Variants in MED13L observed in about 807,000 individuals in gnomAD.
MED13L encodes mediator complex subunit 13L.
MED13L carries 7 observed loss-of-function variants against 220.9 expected under a neutral mutation model. The observed-to-expected ratio is 0.03, with a 90% CI of 0.02 to 0.06. The LOEUF (loss-of-function observed/expected upper bound fraction) is 0.06, where lower values mean the gene tolerates loss of function less well. Among genes scored for constraint, MED13L ranks in the 10% least tolerant of loss-of-function variants. MED13L has a pLI of 1.00. For missense variants in MED13L, 1,965 were observed against 2,760.5 expected (o/e 0.71, Z 6.46); for synonymous variants, 1,011 against 1,015.2 (o/e 1.00, Z 0.08).
At chr12:116,121,036 C>A (rs968698033) in intron 2 of MED13L, among the ~76,000 whole-genome samples, 10 of 152,174 alleles carry the variant, frequency 6.6e-5, no homozygotes, top group Non-Finnish European at 1.0e-4. Context: ...ACTACTACAG[C>A]TGCCTATTTA....
chr12:116,011,991 G>C (rs979645610), intron 9 of MED13L, among the ~76,000 whole-genome samples: 1 of 152,124 alleles, frequency 6.6e-6, no homozygotes, highest in Non-Finnish European at 1.5e-5. Flanking sequence ...AGACATGAAT[G>C]GCCATCTTCT....
At chr12:116,026,712 CA>C (rs1332741162) in intron 4 of MED13L, among the ~76,000 whole-genome samples, 1 of 152,164 alleles carries the variant, frequency 6.6e-6, no homozygotes, top group African/African-American at 2.4e-5. Flanking sequence ...TCATGTAAAA[CA>C]AGGACAGGAA....
rs530058924 is a variant in MED13L at position 116,124,881 on chromosome 12, A to C, written c.311-13369T>G. Among the ~76,000 whole-genome samples the C allele has an allele frequency of 5.9e-5, 9 of 152,334 alleles. 4 individuals are homozygous for C. The highest frequency in any genetic ancestry group is 2.2e-4 in the African/African-American group (9 of 41,578). ...CATGTGTGTTGCTGGGTTGTAGTTT[A>C]TAGAGAATTTGGTAGTTGACAGGAA... On this transcript the variant is annotated intron_variant, in intron 2 of 30. Coordinates refer to ENST00000281928, the MANE Select transcript of MED13L (RefSeq NM_015335.5).
intron 1 of MED13L, among the ~76,000 whole-genome samples, chr12:116,260,244 A>C (rs904226474): frequency 6.6e-6 from 1 of 152,226 alleles, no homozygotes; most frequent in Non-Finnish European, 1.5e-5. Flanking sequence ...ATTAATTTAC[A>C]GCCAATCTAC....
At chr12:116,161,120 T>TA (rs1311384253) in intron 2 of MED13L, among the ~76,000 whole-genome samples, 1 of 152,084 alleles carries the variant, frequency 6.6e-6, no homozygotes, top group African/African-American at 2.4e-5. Flanking sequence ...CCTTTATAAC[T>TA]AACCCACTCC....
At chr12:116,191,871 T>C (rs1391227892) in intron 2 of MED13L, among the ~76,000 whole-genome samples, 2 of 151,658 alleles carry the variant, frequency 1.3e-5, no homozygotes, top group African/African-American at 4.8e-5. Context: ...TACTATAGCA[T>C]CAAAAGTAAA....
intron 4 of MED13L, among the ~76,000 whole-genome samples, chr12:116,058,782 A>C (rs371602502): frequency 6.6e-6 from 1 of 152,202 alleles, no homozygotes; most frequent in African/African-American, 2.4e-5. Context: ...ATGGACTTCT[A>C]TATTTAGCAT....
At chr12:116,098,170 C>T (rs1233130114) in intron 3 of MED13L, among the ~76,000 whole-genome samples, 1 of 151,884 alleles carries the variant, frequency 6.6e-6, no homozygotes, top group African/African-American at 2.4e-5. Context: ...CACTTGAACC[C>T]GGGAGGCAGA....
At position 115,975,163 on chromosome 12, in the gene MED13L, T is replaced by C. The variant is rs1479092904; in HGVS notation, c.5731+8A>G. The C allele has an allele frequency of 1.9e-6, 3 of 1,613,946 alleles. No homozygotes were observed. The African/African-American group carries it at 4.0e-5, about 22-fold the overall frequency. ...TCTTCTGCAAATACTTCTTCAAAAA[T>C]TTCTCACCTTTAAGCTCCCCATGGC... On this transcript the variant is annotated splice_region_variant and intron_variant, in intron 25 of 30. Coordinates refer to ENST00000281928, the MANE Select transcript of MED13L (RefSeq NM_015335.5).
intron 4 of MED13L, among the ~76,000 whole-genome samples, chr12:116,084,526 G>C (rs182517656): frequency 4.6e-5 from 7 of 152,116 alleles, no homozygotes; most frequent in Non-Finnish European, 7.4e-5. Context: ...TGAAATTAAA[G>C]CCCAGAAATA....
At chr12:116,251,308 CTT>C (rs61533775) in intron 1 of MED13L, among the ~76,000 whole-genome samples, 1,941 of 87,506 alleles carry the variant, frequency 0.022, 4 homozygotes, top group East Asian at 0.047. Context: ...ATCATGGATC[CTT>C]TTTTTTTTTT....
chr12:116,091,812 A>G (rs376491662), intron 4 of MED13L, among the ~76,000 whole-genome samples: 1 of 152,196 alleles, frequency 6.6e-6, no homozygotes, highest in East Asian at 1.9e-4. Flanking sequence ...ACAGCTGATC[A>G]ATCTTGAAAC....
chr12:116,241,229 C>T (rs1368849836), intron 1 of MED13L, among the ~76,000 whole-genome samples: 3 of 150,700 alleles, frequency 2.0e-5, no homozygotes, highest in Non-Finnish European at 4.4e-5. Context: ...CGCTTGAACC[C>T]GGGAGGCAGA....
chr12:116,120,489 A>T (rs910669253), intron 2 of MED13L, among the ~76,000 whole-genome samples: 15 of 144,238 alleles, frequency 1.0e-4, no homozygotes, highest in South Asian at 4.4e-4. Flanking sequence ...ACACACACAC[A>T]CACACACACA....
chr12:115,961,619 G>A lies in MED13L; in HGVS notation c.6501-221C>T, dbSNP rs988220372. Reference sequence around the variant, plus strand: ...CAGCCACACATGGCCATTGAGCTCCGCCAGTGAGGCCAGTAGGAACTTGCG... The same window carrying A: ...CAGCCACACATGGCCATTGAGCTCCACCAGTGAGGCCAGTAGGAACTTGCG... On this transcript the variant is annotated intron_variant, in intron 30 of 30. Coordinates refer to ENST00000281928, the MANE Select transcript of MED13L (RefSeq NM_015335.5). 5.4e-5 allele frequency: 33 copies of A among 609,920 alleles called. 2 individuals carry two copies. The highest frequency in any genetic ancestry group is 3.3e-4 in the South Asian group (18 of 54,132). 37.8% of individuals were successfully genotyped at this position (609,920 alleles called of 1,614,324 possible). A position where few individuals can be genotyped will look rare whatever the true frequency, so the allele number is the denominator to read the frequency against.
chr12:115,970,719 T>G lies in MED13L; in HGVS notation c.5942A>C (p.Gln1981Pro), dbSNP rs1478963996. The change falls in exon 27 of 31, where the codon CAG becomes CCG. Residue 1981 changes from glutamine (Q) to proline (P), a missense_variant. This residue lies in a region of MED13L where 145 missense variants were observed against 328.3 expected (regional missense o/e 0.44). Coordinates refer to ENST00000281928, the MANE Select transcript of MED13L (RefSeq NM_015335.5). ...VFGRSTALNM[Q>P]SSQLNTPQDA... ...TTGAGGGGTGTTGAGCTGAGATGAC[T>G]GCATGTTCAGTGCAGTACTTCGGCC... 1 of 1,614,080 alleles carries G rather than the reference T, an allele frequency of 6.2e-7. No homozygotes were observed. The highest frequency in any genetic ancestry group is 2.2e-5 in the East Asian group (1 of 44,876).
At chr12:116,166,992 G>C (rs953259842) in intron 2 of MED13L, among the ~76,000 whole-genome samples, 1 of 151,782 alleles carries the variant, frequency 6.6e-6, no homozygotes, top group Non-Finnish European at 1.5e-5. Flanking sequence ...TTCATCCTTT[G>C]ACTTCAAGTA....
chr12:116,039,873 C>T (rs767204589), intron 4 of MED13L, among the ~76,000 whole-genome samples: 3 of 152,098 alleles, frequency 2.0e-5, no homozygotes, highest in Non-Finnish European at 2.9e-5. Flanking sequence ...GGAAAGAGGT[C>T]GGGGCGAGAT....
chr12:116,014,397 G>A (rs896213319), intron 8 of MED13L, among the ~76,000 whole-genome samples: 5 of 152,178 alleles, frequency 3.3e-5, no homozygotes, highest in African/African-American at 1.2e-4. Context: ...TTAAAACAGA[G>A]ATGAAACTGT....
Sources: gnomAD v4.1 joint callset for allele counts (sites outside exome capture counted in the v4.1 genomes callset) on GRCh38, gnomAD v4.1.1 for gene constraint, gnomAD v4.1.1 regional missense constraint, MANE v1.5 for transcripts, NCBI Gene and HGNC (gene_info 2026-07-23, HGNC 2026-07-21) for gene names.